RTN4: variants seen among roughly 807,000 people sequenced by gnomAD.
RTN4 encodes the protein reticulon 4.
In RTN4, 32 loss-of-function variants were observed where a neutral mutation model predicts 90.4. That is an observed-to-expected ratio of 0.35 (90% confidence interval 0.27 to 0.48). RTN4 has a LOEUF of 0.48. Ranked by LOEUF, RTN4 falls within the 20% of genes least tolerant of loss-of-function variation. The pLI, the probability that RTN4 is intolerant of heterozygous loss-of-function variation, is 0.99. For synonymous variants in RTN4, 629 were observed against 552.5 expected (o/e 1.14, Z -1.94); for missense variants, 1,706 against 1,430.2 (o/e 1.19, Z -3.11).
At chr2:55,061,081 T>G (rs1175665031) in intron 2 of RTN4, among the ~76,000 whole-genome samples, 1 of 151,634 alleles carries the variant, frequency 6.6e-6, no homozygotes, top group Non-Finnish European at 1.5e-5. Flanking sequence ...TTTTTTTTTT[T>G]TTGAGATAGA....
intron 1 of RTN4, among the ~76,000 whole-genome samples, chr2:55,046,439 G>A (rs1036031084): frequency 2.6e-5 from 4 of 151,992 alleles, no homozygotes; most frequent in Non-Finnish European, 5.9e-5. Context: ...CTGCCTCAGG[G>A]TTTTGCCCTG....
upstream of RTN4, among the ~76,000 whole-genome samples, chr2:55,115,488 T>C (rs1398088470): frequency 1.3e-5 from 2 of 152,176 alleles, no homozygotes; most frequent in Non-Finnish European, 1.5e-5. Context: ...TGTGGACATC[T>C]ATGGAGAGGA....
chr2:55,002,727 C>A (rs914006166), intron 3 of RTN4, among the ~76,000 whole-genome samples: 2 of 152,094 alleles, frequency 1.3e-5, no homozygotes, highest in South Asian at 2.1e-4. Context: ...AGCTAAATAT[C>A]TTCTCTTTAA....
chr2:55,125,836 C>T, the RTN4 span, among the ~76,000 whole-genome samples: 6 of 151,746 alleles, frequency 4.0e-5, no homozygotes, highest in Middle Eastern at 3.4e-3. Flanking sequence ...CCGAGGTGGG[C>T]GGGTCACCAG....
In RTN4 at chr2:55,014,237, A is replaced by C. The variant is rs1028185342; in HGVS notation, c.3013+10849T>G. ...GAATGACAGTACAAGTTAAAATAGC[A>C]AAACAACGAGCATTTTAAAGTCTAT... On this transcript the variant is annotated intron_variant, in intron 3 of 8. Transcript: ENST00000337526. Among the ~76,000 whole-genome samples, 7 of 152,280 alleles carry C rather than the reference A, an allele frequency of 4.6e-5. No individual in the cohort carries two copies. In the East Asian group the frequency reaches 1.3e-3, roughly 29 times the overall value.
chr2:55,107,073 A>G (rs1667956469), intron 1 of RTN4, among the ~76,000 whole-genome samples: 1 of 152,100 alleles, frequency 6.6e-6, no homozygotes, highest in South Asian at 2.1e-4. Context: ...AAAATTGGTG[A>G]CTCAAAATTA....
At position 55,101,055 on chromosome 2, in the gene RTN4, A is replaced by C. The variant is rs150900864; in HGVS notation, c.-214+11465T>G. Among the ~76,000 whole-genome samples the C allele has an allele frequency of 1.2e-4, 19 of 152,242 alleles. No individual in the cohort carries two copies. The East Asian group carries it at 2.7e-3, about 22-fold the overall frequency. Reference sequence around the variant, plus strand: ...TTAAGCCACTAAAATTATAAAATGTATTTTGAAATCTTGACATAGAAACAT... The same window carrying C: ...TTAAGCCACTAAAATTATAAAATGTCTTTTGAAATCTTGACATAGAAACAT... On this transcript the variant is annotated intron_variant, in intron 1 of 3. Transcript: ENST00000427710.
intron 1 of RTN4, among the ~76,000 whole-genome samples, chr2:55,091,630 C>T (rs1668936565): frequency 6.6e-6 from 1 of 152,148 alleles, no homozygotes; most frequent in Non-Finnish European, 1.5e-5. Context: ...GAGTTTGGGA[C>T]CTGCCTGGGC....
At chr2:54,979,516 C>T (rs1677948592) in intron 5 of RTN4, among the ~76,000 whole-genome samples, 1 of 152,058 alleles carries the variant, frequency 6.6e-6, no homozygotes, top group Admixed American at 6.5e-5. Flanking sequence ...TCAATAAAAG[C>T]TGTTTTAAGG....
At chr2:54,981,677 C>T (rs1225093010) in intron 5 of RTN4, among the ~76,000 whole-genome samples, 1 of 152,204 alleles carries the variant, frequency 6.6e-6, no homozygotes, top group Non-Finnish European at 1.5e-5. Flanking sequence ...AGACTCTTAA[C>T]AGCTGCTTAT....
At chr2:55,126,678 A>G in the RTN4 span, among the ~76,000 whole-genome samples, 1 of 152,332 alleles carries the variant, frequency 6.6e-6, no homozygotes, top group Admixed American at 6.5e-5. Context: ...ATTATTGGGT[A>G]TATCCCAGAG....
intron 1 of RTN4, among the ~76,000 whole-genome samples, chr2:55,037,807 T>C (rs750860418): frequency 1.4e-4 from 21 of 152,150 alleles, no homozygotes; most frequent in Non-Finnish European, 2.9e-4. Flanking sequence ...ATTCTGAAAT[T>C]TATGCAGAAA....
At chr2:55,100,912 T>C (rs1667841928) in intron 1 of RTN4, among the ~76,000 whole-genome samples, 1 of 151,692 alleles carries the variant, frequency 6.6e-6, no homozygotes, top group African/African-American at 2.4e-5. Flanking sequence ...TTTATAAAAA[T>C]AGCTGTCATT....
intron 2 of RTN4, among the ~76,000 whole-genome samples, chr2:55,068,074 A>C (rs1261231371): frequency 6.6e-6 from 1 of 152,216 alleles, no homozygotes; most frequent in Non-Finnish European, 1.5e-5. Context: ...GTATATGAAG[A>C]AAATTTGGCC....
At chr2:55,064,215 AAAG>A (rs1270060205) in intron 2 of RTN4, among the ~76,000 whole-genome samples, 7 of 151,350 alleles carry the variant, frequency 4.6e-5, no homozygotes, top group South Asian at 2.1e-4. Context: ...AAAAAAAAAA[AAAG>A]AAAGAAAAGA....
At chr2:54,974,020 TGAG>T in intron 6 of RTN4, 153 bp from the exon 7 acceptor site, 1 of 618,404 alleles carries the variant, frequency 1.6e-6, no homozygotes, top group African/African-American at 1.8e-5. Context: ...CATCTGCTGT[TGAG>T]GAGCCACTCC....
chr2:55,111,551 ATCCAGG>A (rs1315550080), intron 1 of RTN4, among the ~76,000 whole-genome samples: 2 of 152,062 alleles, frequency 1.3e-5, no homozygotes, highest in East Asian at 3.9e-4. Context: ...TTGTTCCCCA[ATCCAGG>A]CCCACGAAAG....
rs114700615 is a variant in RTN4, at chr2:55,028,551, G to T, written c.557-331C>A. On this transcript the variant is annotated intron_variant, in intron 1 of 8. Transcript: ENST00000337526. ...TATCACATCCCAAGCTTTCACTCAG[G>T]TTTTCACATAGGTAAATTGTCTTGT... Among the ~76,000 whole-genome samples the T allele has an allele frequency of 2.0e-3, 305 of 152,176 alleles. 1 individual carries two copies. The highest frequency in any genetic ancestry group is 7.3e-3 in the African/African-American group (302 of 41,512).
At chr2:55,055,794 A>C (rs1416392457), upstream of RTN4, among the ~76,000 whole-genome samples, 2 of 151,732 alleles carry the variant, frequency 1.3e-5, no homozygotes, top group Non-Finnish European at 2.9e-5. Flanking sequence ...AAAAAACAAA[A>C]ACAAAAACCT....
Sources: gnomAD v4.1 joint callset for allele counts (sites outside exome capture counted in the v4.1 genomes callset) on GRCh38, gnomAD v4.1.1 for gene constraint, MANE v1.5 for transcripts, NCBI Gene and HGNC (gene_info 2026-07-23, HGNC 2026-07-21) for gene names.